The following SGCD variants were observed in gnomAD, a reference collection of about 807,000 sequenced individuals.
SGCD encodes the protein sarcoglycan delta.
SGCD carries 18 observed loss-of-function variants against 36.6 expected under a neutral mutation model. The ratio of observed to expected loss-of-function variants is 0.49; its 90% CI spans 0.34 to 0.73. SGCD has a LOEUF of 0.73. Among genes scored for constraint, SGCD ranks in the 30% least tolerant of loss-of-function variants. The probability of loss-of-function intolerance (pLI) is 0.01; values close to 1 mark genes in which losing one functional copy is unlikely to be tolerated. For missense variants in SGCD, 387 were observed against 346.7 expected, an observed-to-expected ratio of 1.12 and a Z score of -0.92; for synonymous variants, 133 against 130.6, an observed-to-expected ratio of 1.02 and a Z score of -0.12.
At chr5:156,722,804 T>G (rs1444088665) in intron 7 of SGCD, among the ~76,000 whole-genome samples, 1 of 152,138 alleles carries the variant, frequency 6.6e-6, no homozygotes, top group East Asian at 1.9e-4. Flanking sequence ...AGCTGAAATC[T>G]CTCCCTTCTA....
chr5:156,579,426 G>T (rs1760141873), intron 4 of SGCD, among the ~76,000 whole-genome samples: 1 of 152,022 alleles, frequency 6.6e-6, no homozygotes, highest in African/African-American at 2.4e-5. Context: ...TCTCTTTCAG[G>T]TCCACTTGGT....
intron 4 of SGCD, among the ~76,000 whole-genome samples, chr5:156,516,125 G>C (rs1283133162): frequency 2.0e-5 from 3 of 152,234 alleles, no homozygotes; most frequent in African/African-American, 7.2e-5. Flanking sequence ...CCAGACAAGG[G>C]GGATTCCCCT....
At chr5:155,749,334 T>C in the SGCD span, among the ~76,000 whole-genome samples, 4 of 152,276 alleles carry the variant, frequency 2.6e-5, no homozygotes, top group South Asian at 8.3e-4. Flanking sequence ...TCCTTTGCAA[T>C]GGAAGAGGAG....
chr5:156,600,095 T>C (rs929570965), intron 6 of SGCD, among the ~76,000 whole-genome samples: 1 of 152,208 alleles, frequency 6.6e-6, no homozygotes, highest in African/African-American at 2.4e-5. Context: ...ATCTCCATCA[T>C]ATAATGATGA....
the SGCD span, among the ~76,000 whole-genome samples, chr5:155,822,541 G>T: frequency 9.1e-6 from 1 of 110,290 alleles, no homozygotes; most frequent in Admixed American, 1.0e-4. Context: ...TACTGAACTA[G>T]ATTAAATGAT....
At chr5:156,367,827 C>T (rs935301817) in intron 3 of SGCD, among the ~76,000 whole-genome samples, 4 of 152,130 alleles carry the variant, frequency 2.6e-5, no homozygotes, top group African/African-American at 7.2e-5. Flanking sequence ...TTGGAGGTGC[C>T]GCACAAGCTT....
intron 1 of SGCD, among the ~76,000 whole-genome samples, chr5:156,048,933 T>C (rs1286500442): frequency 6.6e-6 from 1 of 151,706 alleles, no homozygotes; most frequent in Admixed American, 6.6e-5. Context: ...GCCTAGGTTT[T>C]CTTCTAAGGT....
chr5:156,711,523 G>T (rs1754993915), intron 7 of SGCD, among the ~76,000 whole-genome samples: 1 of 152,152 alleles, frequency 6.6e-6, no homozygotes, highest in South Asian at 2.1e-4. Flanking sequence ...ATTGTATTTT[G>T]CCAGAGGATG....
intron 3 of SGCD, among the ~76,000 whole-genome samples, chr5:156,146,441 A>G (rs895584220): frequency 1.3e-5 from 2 of 152,230 alleles, no homozygotes; most frequent in African/African-American, 4.8e-5. Context: ...ACTTGATGGT[A>G]GATGGTGTCA....
chr5:156,623,066 A>G (rs148158553), intron 6 of SGCD, among the ~76,000 whole-genome samples: 16 of 152,294 alleles, frequency 1.1e-4, no homozygotes, highest in East Asian at 7.7e-4. Flanking sequence ...ATATGTATAT[A>G]GTATACATAT....
chr5:155,809,000 G>A, the SGCD span, among the ~76,000 whole-genome samples: 9 of 152,216 alleles, frequency 5.9e-5, no homozygotes, highest in East Asian at 3.8e-4. Context: ...GCCAGTCAAC[G>A]TCTTACATGA....
intron 3 of SGCD, among the ~76,000 whole-genome samples, chr5:156,185,422 G>T (rs1336790379): frequency 6.6e-6 from 1 of 151,842 alleles, no homozygotes; most frequent in Admixed American, 6.6e-5. Context: ...CACCACGTTA[G>T]CCAGGATGGT....
At chr5:156,526,980 G>C (rs1332669177) in intron 4 of SGCD, among the ~76,000 whole-genome samples, 1 of 152,148 alleles carries the variant, frequency 6.6e-6, no homozygotes, top group East Asian at 1.9e-4. Flanking sequence ...AGTTCTGGTA[G>C]GAGAAGTGTG....
intron 3 of SGCD, among the ~76,000 whole-genome samples, chr5:156,383,884 A>G (rs1248926860): frequency 6.6e-6 from 1 of 152,180 alleles, no homozygotes; most frequent in Non-Finnish European, 1.5e-5. Context: ...ATCAGAATAT[A>G]TGTATATAAT....
At chr5:156,004,356 C>A (rs1440987521) in intron 1 of SGCD, among the ~76,000 whole-genome samples, 2 of 152,182 alleles carry the variant, frequency 1.3e-5, no homozygotes, top group African/African-American at 4.8e-5. Flanking sequence ...AATAATACTG[C>A]TGTTTCCACT....
rs1175803122 is a variant in SGCD at position 156,763,874 on chromosome 5, G to GAAAT, written c.*4488_*4491dup. The stretch of plus-strand genomic sequence containing the variant: ...CTCAGCCTTTTATTTGGAAACAGTT[G>GAAAT]AAATAAACTGGCAGCAGCTAGATCA... On this transcript the variant is annotated 3_prime_UTR_variant, in exon 9 of 9. Transcript: ENST00000337851. 1 of 152,078 alleles carries GAAAT rather than the reference G, an allele frequency of 6.6e-6. No homozygotes were observed. Among genetic ancestry groups the GAAAT allele is most frequent in the African/African-American group, 2.4e-5 (1 of 41,398 alleles). 9.4% of individuals were successfully genotyped at this position (152,078 alleles called of 1,614,324 possible).
chr5:156,586,707 T>A (rs1760508056), intron 4 of SGCD, among the ~76,000 whole-genome samples: 1 of 152,262 alleles, frequency 6.6e-6, no homozygotes, highest in Non-Finnish European at 1.5e-5. Context: ...CTTTCAGTTG[T>A]CTTCTGTGTC....
chr5:156,023,815 C>T (rs1427983592), intron 1 of SGCD, among the ~76,000 whole-genome samples: 3 of 150,854 alleles, frequency 2.0e-5, no homozygotes, highest in Admixed American at 6.8e-5. Context: ...TTTCACGAAG[C>T]TCTGCCATAC....
At chr5:156,236,276 T>A (rs1264512058) in intron 3 of SGCD, among the ~76,000 whole-genome samples, 2 of 152,186 alleles carry the variant, frequency 1.3e-5, no homozygotes, top group Non-Finnish European at 2.9e-5. Flanking sequence ...CCTCATTTAG[T>A]TGCAGTATTG....
Sources: allele counts gnomAD v4.1 joint callset (sites outside exome capture counted in the v4.1 genomes callset), GRCh38; gene constraint gnomAD v4.1.1; transcripts MANE v1.5; gene names NCBI Gene and HGNC (gene_info 2026-07-23, HGNC 2026-07-21).